CA10: variants seen among roughly 807,000 people sequenced by gnomAD.
The protein encoded by CA10 is carbonic anhydrase-related protein 10.
A neutral mutation model predicts 44.2 loss-of-function variants in CA10; 14 were observed. The observed-to-expected ratio is 0.32, with a 90% CI of 0.21 to 0.50. CA10 has a LOEUF of 0.50. Ranked by LOEUF, CA10 falls within the 20% of genes least tolerant of loss-of-function variation. The pLI is 0.99. For missense variants in CA10, 350 were observed against 409.7 expected, an observed-to-expected ratio of 0.85 and a Z score of 1.26; for synonymous variants, 159 against 141.6, an observed-to-expected ratio of 1.12 and a Z score of -0.87.
intron 4 of CA10, among the ~76,000 whole-genome samples, chr17:51,672,289 T>C (rs1914458190): frequency 6.6e-6 from 1 of 152,226 alleles, no homozygotes; most frequent in South Asian, 2.1e-4. Flanking sequence ...GATCACAGCA[T>C]GCTAGCGCTA....
chr17:51,776,192 T>A (rs1299131839), intron 3 of CA10, among the ~76,000 whole-genome samples: 1 of 152,146 alleles, frequency 6.6e-6, no homozygotes, highest in Non-Finnish European at 1.5e-5. Flanking sequence ...AAAGCCTGTC[T>A]CTACTAAAAA....
Position 51,805,864 on chromosome 17 carries a change from T to A in CA10, c.280-58046A>T, listed in dbSNP as rs542897251. Among the ~76,000 whole-genome samples the A allele has an allele frequency of 1.1e-4, 17 of 152,266 alleles. 1 individual carries two copies. In the South Asian group the frequency reaches 3.5e-3, roughly 32 times the overall value. ...CAGGGAGTTTTTGGTGTAGTCTGGA[T>A]TGAGGACCTTTATGACTGAGCAAAT... On this transcript the variant is annotated intron_variant, in intron 3 of 8. Coordinates refer to ENST00000451037, the MANE Select transcript of CA10 (RefSeq NM_020178.5).
chr17:52,133,380 C>G (rs914678722), intron 1 of CA10, among the ~76,000 whole-genome samples: 3 of 152,040 alleles, frequency 2.0e-5, no homozygotes, highest in African/African-American at 7.2e-5. Context: ...AAGTGGTTAG[C>G]AAAGCAGGAG....
chr17:52,141,833 T>C (rs560192113), intron 1 of CA10, among the ~76,000 whole-genome samples: 14 of 152,228 alleles, frequency 9.2e-5, no homozygotes, highest in African/African-American at 3.4e-4. Context: ...CATTACGGAT[T>C]GGAGAGTAAA....
intron 4 of CA10, among the ~76,000 whole-genome samples, chr17:51,738,719 C>T (rs1420954062): frequency 2.0e-5 from 3 of 152,254 alleles, no homozygotes; most frequent in Admixed American, 1.3e-4. Context: ...TCTATAGATG[C>T]CCTTGCGATG....
At chr17:52,087,733 C>G (rs747073836) in intron 1 of CA10, among the ~76,000 whole-genome samples, 1 of 152,038 alleles carries the variant, frequency 6.6e-6, no homozygotes, top group Non-Finnish European at 1.5e-5. Flanking sequence ...AAATATGAAA[C>G]AGCATGTTCA....
At chr17:52,130,683 A>C (rs1319187211) in intron 1 of CA10, among the ~76,000 whole-genome samples, 2 of 152,026 alleles carry the variant, frequency 1.3e-5, no homozygotes, top group East Asian at 1.9e-4. Flanking sequence ...AAGGATATAC[A>C]TGTCTTTTTT....
intron 1 of CA10, among the ~76,000 whole-genome samples, chr17:52,128,648 C>G (rs188667959): frequency 6.6e-6 from 1 of 152,116 alleles, no homozygotes; most frequent in Non-Finnish European, 1.5e-5. Context: ...TTATCTGATA[C>G]GTTAATTAGA....
intron 1 of CA10, among the ~76,000 whole-genome samples, chr17:52,083,958 A>G (rs1988050728): frequency 6.6e-6 from 1 of 152,166 alleles, no homozygotes; most frequent in Non-Finnish European, 1.5e-5. Context: ...ATGGTAGTCT[A>G]TTTTTAGTTA....
intron 1 of CA10, among the ~76,000 whole-genome samples, chr17:52,087,383 C>T (rs78811844): frequency 0.041 from 6,196 of 152,326 alleles, 153 homozygotes; most frequent in Non-Finnish European, 0.056. Flanking sequence ...CTGAGGTGAT[C>T]CTCCTGCCTT....
At chr17:51,696,266 G>C (rs2143443654) in intron 4 of CA10, among the ~76,000 whole-genome samples, 1 of 152,150 alleles carries the variant, frequency 6.6e-6, no homozygotes. Flanking sequence ...TTGTTTATAT[G>C]GTAGAATTTG....
chr17:51,700,676 T>C (rs1915566392), intron 4 of CA10, among the ~76,000 whole-genome samples: 1 of 152,188 alleles, frequency 6.6e-6, no homozygotes, highest in African/African-American at 2.4e-5. Flanking sequence ...TTCTCACCTG[T>C]TCTCTGGATT....
intron 2 of CA10, among the ~76,000 whole-genome samples, chr17:51,962,386 A>T (rs1425139231): frequency 6.6e-6 from 1 of 152,226 alleles, no homozygotes; most frequent in African/African-American, 2.4e-5. Flanking sequence ...GGACCTGTAC[A>T]TGGGCCTGCC....
intron 2 of CA10, among the ~76,000 whole-genome samples, chr17:52,056,070 G>A (rs891136142): frequency 2.6e-5 from 4 of 152,010 alleles, no homozygotes; most frequent in African/African-American, 9.7e-5. Flanking sequence ...TGTGAGAAGA[G>A]GAGATGGCAG....
At chr17:51,717,751 A>ATGCATG (rs1201421302) in intron 4 of CA10, among the ~76,000 whole-genome samples, 2,827 of 46,814 alleles carry the variant, frequency 0.06, 633 homozygotes, top group East Asian at 0.079. Context: ...ATATACATGT[A>ATGCATG]TATATACGTA....
intron 3 of CA10, among the ~76,000 whole-genome samples, chr17:51,878,897 T>G (rs1030106095): frequency 1.6e-4 from 20 of 122,574 alleles, no homozygotes; most frequent in Admixed American, 2.4e-4. Flanking sequence ...TATATGGGTG[T>G]GTGTGTGTGT....
intron 1 of CA10, among the ~76,000 whole-genome samples, chr17:52,119,607 A>T (rs999906536): frequency 6.6e-6 from 1 of 152,184 alleles, no homozygotes; most frequent in Non-Finnish European, 1.5e-5. Context: ...AAGAAGAAAA[A>T]GTCTTATCTC....
chr17:51,717,681 ATATG>A (rs1567815267), intron 4 of CA10, among the ~76,000 whole-genome samples: 5 of 57,846 alleles, frequency 8.6e-5, no homozygotes, highest in Admixed American at 2.3e-4. Context: ...ATATATGTAT[ATATG>A]TATACATATA....
At chr17:51,992,380 C>T (rs986877224) in intron 2 of CA10, among the ~76,000 whole-genome samples, 6 of 152,106 alleles carry the variant, frequency 3.9e-5, no homozygotes, top group African/African-American at 1.4e-4. Context: ...ATTCATATGT[C>T]TCCTCCAGTA....
Sources: allele counts gnomAD v4.1 joint callset (sites outside exome capture counted in the v4.1 genomes callset), GRCh38; gene constraint gnomAD v4.1.1; transcripts MANE v1.5; gene names NCBI Gene and HGNC (gene_info 2026-07-23, HGNC 2026-07-21).